Variants in ATP7A observed in about 807,000 individuals in gnomAD.
The protein encoded by ATP7A is ATPase copper transporting alpha.
A neutral mutation model predicts 83.5 loss-of-function variants in ATP7A; 7 were observed. The observed-to-expected ratio is 0.08, with a 90% confidence interval of 0.05 to 0.16. The LOEUF (loss-of-function observed/expected upper bound fraction) is 0.16. Among genes scored for constraint, ATP7A ranks in the 10% least tolerant of loss-of-function variants. ATP7A has a pLI of 1.00. For missense variants in ATP7A, 940 were observed against 1,120.8 expected, an observed-to-expected ratio of 0.84 and a Z score of 2.30; for synonymous variants, 354 against 395.2, an observed-to-expected ratio of 0.90 and a Z score of 1.24.
At chrX:77,954,500 ATAC>A (rs1557227132) in intron 1 of ATP7A, among the ~76,000 whole-genome samples, 1 of 112,206 alleles carries the variant, frequency 8.9e-6, no homozygotes, top group Non-Finnish European at 1.9e-5. Context: ...TGTTTATATA[ATAC>A]TGGTTGTTTG....
At position 78,011,384 on chromosome X, in the gene ATP7A, G is replaced by A. The variant is rs142953341; in HGVS notation, c.1947-65G>A. 1.1e-3 allele frequency: 1,183 copies of A among 1,071,248 alleles called. 6 individuals carry two copies. The African/African-American group carries it at 0.016, about 15-fold the overall frequency. The allele number at this position is 1,071,248 out of a possible 1,213,427, so 88.3% of individuals were successfully genotyped here. ...CACAATGTATATCTCTCTGTAGTATGTAGAATCTTTACCCATTAGCTATTT... is the reference window on the plus strand; with the variant it reads ...CACAATGTATATCTCTCTGTAGTATATAGAATCTTTACCCATTAGCTATTT... On this transcript the variant is annotated intron_variant, in intron 8 of 22. Coordinates refer to ENST00000341514, the MANE Select transcript of ATP7A (RefSeq NM_000052.7).
chrX:78,006,369 T>G lies in ATP7A; in HGVS notation c.1708-2733T>G, dbSNP rs1158682071. ...AATATGAGGAAAAACTAAATTTCAG[T>G]CATTAGGGACTAAAATTATGATACA... On this transcript the variant is annotated intron_variant, in intron 6 of 22. Coordinates refer to ENST00000341514, the MANE Select transcript of ATP7A (RefSeq NM_000052.7). Among the ~76,000 whole-genome samples the G allele has an allele frequency of 2.7e-5, 3 of 112,363 alleles. No individual in the cohort carries two copies. The South Asian group carries it at 1.1e-3, about 41-fold the overall frequency.
At position 78,019,471 on chromosome X, in the gene ATP7A, G is replaced by T. The variant is rs377708991; in HGVS notation, c.2627-773G>T. Among the ~76,000 whole-genome samples, 189 of 109,315 alleles carry T rather than the reference G, an allele frequency of 1.7e-3. 4 individuals carry two copies. In the South Asian group the frequency reaches 0.033, roughly 19 times the overall value. The allele number at this position is 109,315 out of a possible 115,157, so 94.9% of individuals were successfully genotyped here. On this transcript the variant is annotated intron_variant, in intron 12 of 22. Coordinates refer to ENST00000341514, the MANE Select transcript of ATP7A (RefSeq NM_000052.7). The stretch of plus-strand genomic sequence containing the variant: ...TTCTTTCTTTCTTTTTTGTTTTTTT[G>T]TTGTTGTTGTTGTTGAGACAAGGTC...
rs782049494 is a variant in ATP7A, at chrX:77,937,887, TCACA to T, written c.-22+27073_-22+27076del. On this transcript the variant is annotated intron_variant, in intron 1 of 22. Coordinates refer to ENST00000341514, the MANE Select transcript of ATP7A (RefSeq NM_000052.7). ...ATGGTTCTCTCTCTCTCTCTCTCTC[TCACA>T]CACACACACACACACACACATACAC... 9.2e-4 allele frequency among the ~76,000 whole-genome samples: 93 copies of T among 101,014 alleles called. 2 individuals carry two copies. The South Asian group carries it at 0.037, about 40-fold the overall frequency. 87.7% of individuals were successfully genotyped at this position (101,014 alleles called of 115,157 possible).
chrX:77,951,778 G>A (rs956432642), intron 1 of ATP7A, among the ~76,000 whole-genome samples: 15 of 111,062 alleles, frequency 1.4e-4, no homozygotes, highest in African/African-American at 3.9e-4. Context: ...GACGGGTTTC[G>A]CCATGTTGGC....
At position 78,021,578 on chromosome X, in the gene ATP7A, G is replaced by A. The variant is rs2077905810; in HGVS notation, c.2916+499G>A. 2.7e-5 allele frequency among the ~76,000 whole-genome samples: 3 copies of A among 111,780 alleles called. No homozygotes were observed. The Admixed American group carries it at 2.9e-4, about 11-fold the overall frequency. ...TTTACAAATATAAGATATTATTAGT[G>A]TCTACTCATCTAGTTCTCTGATGCT... is the stretch of plus-strand genomic sequence containing the variant. On this transcript the variant is annotated intron_variant, in intron 14 of 22. Coordinates refer to ENST00000341514, the MANE Select transcript of ATP7A (RefSeq NM_000052.7).
intron 4 of ATP7A, among the ~76,000 whole-genome samples, chrX:77,993,866 A>T (rs2077683724): frequency 9.0e-6 from 1 of 111,392 alleles, no homozygotes; most frequent in African/African-American, 3.3e-5. Context: ...CGTTTAAGTG[A>T]CTCATGACTG....
At position 77,911,743 on chromosome X, in the gene ATP7A, A is replaced by G. The variant is rs781808543; in HGVS notation, c.-22+908A>G. 1.6e-3 allele frequency among the ~76,000 whole-genome samples: 180 copies of G among 110,934 alleles called. 1 individual carries two copies. Among genetic ancestry groups the G allele is most frequent in the Non-Finnish European group, 2.3e-3 (124 of 52,990 alleles). ...TGGATCACCTGAGGTCAGGAGATCGAGACCAGCCTGGCCATCATGGCGAAA... is the reference window on the plus strand; with the variant it reads ...TGGATCACCTGAGGTCAGGAGATCGGGACCAGCCTGGCCATCATGGCGAAA... On this transcript the variant is annotated intron_variant, in intron 1 of 22. Coordinates refer to ENST00000341514, the MANE Select transcript of ATP7A (RefSeq NM_000052.7).
intron 1 of ATP7A, chrX:77,969,760 C>T: frequency 1.2e-6 from 1 of 852,920 alleles, no homozygotes; most frequent in Non-Finnish European, 1.7e-6. Context: ...AGAGGAACCA[C>T]TGTTTCCATG....
At chrX:77,974,387 G>A (rs781855922) in intron 2 of ATP7A, among the ~76,000 whole-genome samples, 5 of 110,952 alleles carry the variant, frequency 4.5e-5, no homozygotes, top group East Asian at 5.6e-4. Flanking sequence ...TGAGTGATCC[G>A]TCCACCTCGG....
chrX:78,017,219 C>G (rs2077871040), intron 12 of ATP7A, among the ~76,000 whole-genome samples: 1 of 112,368 alleles, frequency 8.9e-6, no homozygotes, highest in South Asian at 3.6e-4. Context: ...AAGCAATGGC[C>G]TGAGTTGTAC....
intron 21 of ATP7A, 95 bp from the exon 22 acceptor site, chrX:78,045,375 G>T: frequency 2.5e-6 from 2 of 793,065 alleles, no homozygotes; most frequent in Non-Finnish European, 1.9e-6. Flanking sequence ...TGCTGAAGAA[G>T]TATCAAACAA....
intron 5 of ATP7A, among the ~76,000 whole-genome samples, chrX:78,000,660 A>T (rs1213638532): frequency 1.9e-5 from 2 of 107,362 alleles, no homozygotes; most frequent in Non-Finnish European, 3.8e-5. Context: ...TATAATATAT[A>T]AATATATATG....
At chrX:77,923,567 T>TTTTC (rs782757562) in intron 1 of ATP7A, 1 of 110,177 alleles carries the variant, frequency 9.1e-6, no homozygotes, top group East Asian at 2.8e-4. Context: ...TTTTCTTTTT[T>TTTTC]TTTCTTTCTT....
At chrX:77,978,121 GCCATTGT>G (rs781896749) in intron 2 of ATP7A, among the ~76,000 whole-genome samples, 57 of 111,199 alleles carry the variant, frequency 5.1e-4, no homozygotes, top group African/African-American at 1.8e-3. Flanking sequence ...ACCCTTCAAG[GCCATTGT>G]CCATTTCTAC....
chrX:78,010,666 G>A (rs2077814915), intron 7 of ATP7A, among the ~76,000 whole-genome samples: 1 of 87,941 alleles, frequency 1.1e-5, no homozygotes, highest in South Asian at 7.4e-4. Context: ...TGCAACCTCC[G>A]CCTCCTGGGT....
chrX:77,914,096 T>C (rs1557222226), intron 1 of ATP7A, among the ~76,000 whole-genome samples: 2 of 111,870 alleles, frequency 1.8e-5, no homozygotes, highest in African/African-American at 3.2e-5. Context: ...AGGGCCTCGC[T>C]CTGTGGCCCA....
chrX:77,962,042 T>C (rs1266364750), intron 1 of ATP7A, among the ~76,000 whole-genome samples: 2 of 111,920 alleles, frequency 1.8e-5, no homozygotes, highest in African/African-American at 6.5e-5. Flanking sequence ...TAAAACCAAA[T>C]GCAATGTGTG....
intron 10 of ATP7A, 60 bp downstream of exon 10, chrX:78,013,172 T>G: frequency 9.9e-7 from 1 of 1,011,620 alleles, no homozygotes; most frequent in Non-Finnish European, 1.4e-6. Flanking sequence ...CCTTAGTATT[T>G]TTTAGGCCAA....
Sources: gnomAD v4.1 joint callset for allele counts (sites outside exome capture counted in the v4.1 genomes callset) on GRCh38, gnomAD v4.1.1 for gene constraint, MANE v1.5 for transcripts, NCBI Gene and HGNC (gene_info 2026-07-23, HGNC 2026-07-21) for gene names.